Variants in PTPRT observed in about 807,000 individuals in gnomAD.
The protein encoded by PTPRT is protein tyrosine phosphatase receptor type T, also known as receptor-type tyrosine-protein phosphatase T.
In PTPRT, 56 loss-of-function variants were observed where a neutral mutation model predicts 176.8. The ratio of observed to expected loss-of-function variants is 0.32; its 90% confidence interval spans 0.26 to 0.40. PTPRT has a LOEUF of 0.40. Ranked by LOEUF, PTPRT falls within the 10% of genes least tolerant of loss-of-function variation. PTPRT has a pLI of 1.00. For missense variants in PTPRT, 1,540 were observed against 1,908.2 expected (o/e 0.81, Z 3.60); for synonymous variants, 783 against 739.0 (o/e 1.06, Z -0.96).
rs913737771 is a variant in PTPRT at position 42,075,308 on chromosome 20, A to G, written c.*5571T>C. The G allele has an allele frequency of 4.3e-6, 1 of 232,948 alleles. No individual in the cohort carries two copies. The highest frequency in any genetic ancestry group is 8.5e-6 in the Non-Finnish European group (1 of 117,990). 14.4% of individuals were successfully genotyped at this position (232,948 alleles called of 1,614,324 possible). A position where few individuals can be genotyped will look rare whatever the true frequency, so the allele number is the denominator to read the frequency against. On this transcript the variant is annotated 3_prime_UTR_variant, in exon 31 of 31. Coordinates refer to ENST00000373187, the MANE Select transcript of PTPRT (RefSeq NM_007050.6). ...CAAGTCAGGGATTTGAGATGACATG[A>G]CTATCCACGTTTATGTTTTTTTTCT...
intron 1 of PTPRT, among the ~76,000 whole-genome samples, chr20:43,188,014 G>T (rs994547261): frequency 6.6e-6 from 1 of 152,156 alleles, no homozygotes; most frequent in Non-Finnish European, 1.5e-5. Flanking sequence ...ACCCAAGAAC[G>T]ATTCGAGACC....
At chr20:42,402,367 T>C (rs780944981) in intron 9 of PTPRT, among the ~76,000 whole-genome samples, 1 of 151,584 alleles carries the variant, frequency 6.6e-6, no homozygotes, top group African/African-American at 2.4e-5. Flanking sequence ...TTTCAGATAA[T>C]TGGGCCCAAG....
intron 14 of PTPRT, among the ~76,000 whole-genome samples, chr20:42,243,340 A>G (rs2056392012): frequency 6.6e-6 from 1 of 152,202 alleles, no homozygotes; most frequent in African/African-American, 2.4e-5. Flanking sequence ...ACTGATCTTC[A>G]GGCCAGCAAA....
chr20:43,141,986 G>A (rs969711328), intron 1 of PTPRT, among the ~76,000 whole-genome samples: 3 of 152,168 alleles, frequency 2.0e-5, no homozygotes, highest in African/African-American at 7.2e-5. Context: ...GAAAAAGCAT[G>A]CGACGTGGAG....
chr20:42,664,999 G>T (rs1406557456), intron 7 of PTPRT, among the ~76,000 whole-genome samples: 3 of 152,118 alleles, frequency 2.0e-5, no homozygotes, highest in Non-Finnish European at 4.4e-5. Flanking sequence ...AAAAACCCTA[G>T]AAGAAAACCT....
At chr20:42,100,512 G>A (rs1036230018) in intron 26 of PTPRT, among the ~76,000 whole-genome samples, 2 of 152,218 alleles carry the variant, frequency 1.3e-5, no homozygotes, top group Admixed American at 1.3e-4. Flanking sequence ...TGTGGACAAA[G>A]AGAATACAAT....
intron 11 of PTPRT, among the ~76,000 whole-genome samples, chr20:42,331,247 T>C (rs2057959763): frequency 6.6e-6 from 1 of 152,114 alleles, no homozygotes; most frequent in Admixed American, 6.5e-5. Flanking sequence ...CAAGACTAGC[T>C]TCCATGGGGA....
intron 7 of PTPRT, among the ~76,000 whole-genome samples, chr20:42,481,798 A>G (rs1166487044): frequency 5.7e-4 from 75 of 132,424 alleles, no homozygotes; most frequent in African/African-American, 2.0e-3. Context: ...ACACACACAC[A>G]CACACACGCG....
chr20:42,756,786 A>T, intron 5 of PTPRT, 150 bp from the exon 6 acceptor site: 1 of 664,342 alleles, frequency 1.5e-6, no homozygotes, highest in Non-Finnish European at 2.4e-6. Flanking sequence ...ACAGTGGCTC[A>T]TGCCTGTAAT....
chr20:42,586,666 T>C (rs753557039), intron 7 of PTPRT, among the ~76,000 whole-genome samples: 4 of 152,220 alleles, frequency 2.6e-5, no homozygotes, highest in Non-Finnish European at 5.9e-5. Context: ...TTGGCATTTA[T>C]ATTTTTATTC....
intron 1 of PTPRT, among the ~76,000 whole-genome samples, chr20:42,966,874 T>C (rs1368492997): frequency 6.6e-6 from 1 of 152,244 alleles, no homozygotes; most frequent in African/African-American, 2.4e-5. Flanking sequence ...CCTGCGGAAC[T>C]GTCAGAGAAA....
intron 2 of PTPRT, among the ~76,000 whole-genome samples, chr20:42,872,522 G>A (rs2078862681): frequency 6.6e-6 from 1 of 152,234 alleles, no homozygotes; most frequent in Non-Finnish European, 1.5e-5. Context: ...CCTCTGCAAA[G>A]AAGCAGAAGC....
rs2077983188 is a variant in PTPRT, at chr20:42,825,828, G to A, written c.215-34362C>T. Reference sequence around the variant, plus strand: ...CTGATTAAGCAGAGCAGTGAAAACTGAAGCCCGTATGTCCATCAGGTAAGA... The same window carrying A: ...CTGATTAAGCAGAGCAGTGAAAACTAAAGCCCGTATGTCCATCAGGTAAGA... On this transcript the variant is annotated intron_variant, in intron 2 of 30. Coordinates refer to ENST00000373187, the MANE Select transcript of PTPRT (RefSeq NM_007050.6). Among the ~76,000 whole-genome samples the A allele has an allele frequency of 4.6e-5, 7 of 152,078 alleles. No individual in the cohort carries two copies. In the South Asian group the frequency reaches 1.5e-3, roughly 32 times the overall value.
chr20:43,058,067 C>T (rs1987313832), intron 1 of PTPRT, among the ~76,000 whole-genome samples: 1 of 152,276 alleles, frequency 6.6e-6, no homozygotes, highest in Non-Finnish European at 1.5e-5. Flanking sequence ...GGTTTCCATG[C>T]CTTGCCCTTG....
At chr20:43,159,974 G>T (rs1284405776) in intron 1 of PTPRT, among the ~76,000 whole-genome samples, 1 of 149,834 alleles carries the variant, frequency 6.7e-6, no homozygotes, top group East Asian at 2.0e-4. Context: ...GACCCAGAAA[G>T]GAGTCAATCC....
chr20:42,399,614 G>C (rs150086289), intron 9 of PTPRT, among the ~76,000 whole-genome samples: 157 of 152,310 alleles, frequency 1.0e-3, no homozygotes, highest in African/African-American at 3.5e-3. Flanking sequence ...AGGTAATCCA[G>C]ATGCTTAACC....
At chr20:43,083,345 T>TGTATATATATAC (rs2011504640) in intron 1 of PTPRT, among the ~76,000 whole-genome samples, 4 of 117,378 alleles carry the variant, frequency 3.4e-5, no homozygotes, top group African/African-American at 9.4e-5. Context: ...TATATATATA[T>TGTATATATATAC]ATATATATAT....
chr20:42,407,848 A>G (rs2058976292), intron 9 of PTPRT, among the ~76,000 whole-genome samples: 1 of 152,182 alleles, frequency 6.6e-6, no homozygotes, highest in Non-Finnish European at 1.5e-5. Context: ...TAAAAAATCA[A>G]GAGCAATAAT....
chr20:42,135,569 T>C (rs1988334320), intron 18 of PTPRT, among the ~76,000 whole-genome samples: 1 of 152,184 alleles, frequency 6.6e-6, no homozygotes, highest in Admixed American at 6.5e-5. Flanking sequence ...GGTGCTCTGG[T>C]TATTCACTTC....
Sources: gnomAD v4.1 joint callset for allele counts (sites outside exome capture counted in the v4.1 genomes callset) on GRCh38, gnomAD v4.1.1 for gene constraint, MANE v1.5 for transcripts, NCBI Gene and HGNC (gene_info 2026-07-23, HGNC 2026-07-21) for gene names.